Variants in RANBP17 observed in about 807,000 individuals in gnomAD.
The protein encoded by RANBP17 is RAN binding protein 17, also known as ran-binding protein 17.
RANBP17 carries 158 observed loss-of-function variants against 141.2 expected under a neutral mutation model. The observed-to-expected ratio is 1.12, with a 90% confidence interval of 0.98 to 1.28. RANBP17 has a LOEUF of 1.28. RANBP17 is among the 50% of genes most tolerant of loss of function. RANBP17 has a pLI of 0.00. For missense variants in RANBP17, 1,438 were observed against 1,290.7 expected (o/e 1.11, Z -1.75); for synonymous variants, 430 against 450.0 (o/e 0.96, Z 0.56).
chr5:171,072,156 A>G (rs1421221571), intron 14 of RANBP17, among the ~76,000 whole-genome samples: 1 of 152,132 alleles, frequency 6.6e-6, no homozygotes, highest in Non-Finnish European at 1.5e-5. Flanking sequence ...CGATGTGAAA[A>G]AGACTCAATC....
At chr5:171,176,606 A>G (rs1353773289) in intron 16 of RANBP17, among the ~76,000 whole-genome samples, 1 of 152,170 alleles carries the variant, frequency 6.6e-6, no homozygotes, top group Non-Finnish European at 1.5e-5. Flanking sequence ...TTTTATTAAT[A>G]TAGTTTCTAT....
chr5:170,896,219 A>G (rs1770107518), intron 5 of RANBP17, 104 bp downstream of exon 5: 5 of 755,574 alleles, frequency 6.6e-6, no homozygotes, highest in Non-Finnish European at 1.1e-5. Context: ...ATTTTGTGGC[A>G]TAAAACTCTG....
At chr5:171,225,834 A>ATGC (rs1365854555) in intron 22 of RANBP17, among the ~76,000 whole-genome samples, 1 of 152,172 alleles carries the variant, frequency 6.6e-6, no homozygotes, top group Non-Finnish European at 1.5e-5. Flanking sequence ...TACTTTTGAT[A>ATGC]TGCTGTTTTA....
chr5:171,148,827 G>A (rs1758269464), intron 14 of RANBP17, among the ~76,000 whole-genome samples: 1 of 152,124 alleles, frequency 6.6e-6, no homozygotes, highest in South Asian at 2.1e-4. Context: ...GATTTCTTCA[G>A]TGGTAAAATT....
intron 9 of RANBP17, among the ~76,000 whole-genome samples, chr5:170,917,073 T>C (rs1458074207): frequency 6.6e-6 from 1 of 152,184 alleles, no homozygotes; most frequent in Admixed American, 6.6e-5. Flanking sequence ...TTTCCATGGC[T>C]GACTTCTGTG....
intron 16 of RANBP17, among the ~76,000 whole-genome samples, chr5:171,179,464 A>G (rs1368316442): frequency 6.6e-6 from 1 of 152,174 alleles, no homozygotes; most frequent in Non-Finnish European, 1.5e-5. Flanking sequence ...CTTTGTGCAT[A>G]TAACCTAAGT....
chr5:171,028,979 C>T lies in RANBP17; in HGVS notation c.1710+60602C>T, dbSNP rs968943058. 10 of 1,280,952 alleles carry T rather than the reference C, an allele frequency of 7.8e-6. No homozygotes were observed. The African/African-American group carries it at 1.2e-4, about 16-fold the overall frequency. The allele number at this position is 1,280,952 out of a possible 1,614,324, so 79.3% of individuals were successfully genotyped here. ...CATCATCTGAACCAGGGATCACAGT[C>T]TAAGGTCCAGGTGAGGGCAAGTCAG... On this transcript the variant is annotated intron_variant, in intron 14 of 27. Coordinates refer to ENST00000523189, the MANE Select transcript of RANBP17 (RefSeq NM_022897.5).
chr5:170,951,546 C>G (rs1488365507), intron 12 of RANBP17, among the ~76,000 whole-genome samples: 1 of 152,038 alleles, frequency 6.6e-6, no homozygotes, highest in Non-Finnish European at 1.5e-5. Flanking sequence ...ATGGGAAAAT[C>G]TAATGAGACA....
At chr5:171,014,781 T>G (rs1780320408) in intron 14 of RANBP17, among the ~76,000 whole-genome samples, 1 of 152,048 alleles carries the variant, frequency 6.6e-6, no homozygotes, top group Non-Finnish European at 1.5e-5. Flanking sequence ...ATCCAGAGTT[T>G]CATGTGGTAT....
intron 25 of RANBP17, among the ~76,000 whole-genome samples, chr5:171,274,111 AGTGTGTGTGTGTGTGTGTGT>A (rs372324815): frequency 7.0e-6 from 1 of 143,114 alleles, no homozygotes; most frequent in Admixed American, 7.0e-5. Flanking sequence ...AGTTTGATCA[AGTGTGTGTGTGTGTGTGTGT>A]GTGTGTGTGT....
At chr5:171,254,992 T>C (rs1765798892) in intron 24 of RANBP17, among the ~76,000 whole-genome samples, 1 of 152,210 alleles carries the variant, frequency 6.6e-6, no homozygotes, top group South Asian at 2.1e-4. Context: ...ACAGGGTCAC[T>C]TAGGTAATTG....
At chr5:171,027,585 G>T (rs1296075129) in intron 14 of RANBP17, among the ~76,000 whole-genome samples, 1 of 151,772 alleles carries the variant, frequency 6.6e-6, no homozygotes, top group African/African-American at 2.4e-5. Flanking sequence ...GCCCCAGTAG[G>T]ATCATATTAT....
At chr5:171,188,693 G>C (rs1163503768) in intron 18 of RANBP17, among the ~76,000 whole-genome samples, 1 of 152,178 alleles carries the variant, frequency 6.6e-6, no homozygotes, top group Non-Finnish European at 1.5e-5. Flanking sequence ...GAAATGGAAT[G>C]GGTTAACATT....
intron 24 of RANBP17, among the ~76,000 whole-genome samples, chr5:171,251,502 G>A (rs1366330806): frequency 6.0e-5 from 9 of 149,402 alleles, no homozygotes; most frequent in Non-Finnish European, 1.0e-4. Flanking sequence ...TAAAGAACAC[G>A]CTCCCGGATA....
intron 12 of RANBP17, among the ~76,000 whole-genome samples, chr5:170,941,538 G>A (rs935338025): frequency 3.3e-5 from 5 of 152,080 alleles, no homozygotes; most frequent in African/African-American, 9.7e-5. Flanking sequence ...GAAGATGTTT[G>A]CAACACACAC....
intron 14 of RANBP17, among the ~76,000 whole-genome samples, chr5:170,995,308 T>C (rs1255118856): frequency 6.6e-6 from 1 of 152,146 alleles, no homozygotes; most frequent in Non-Finnish European, 1.5e-5. Context: ...GCATGTATTT[T>C]CTATGTATTA....
Position 171,150,465 on chromosome 5 carries a change from A to G in RANBP17, c.1711-19665A>G, listed in dbSNP as rs554758600. 4.0e-3 allele frequency among the ~76,000 whole-genome samples: 602 copies of G among 151,976 alleles called. 4 individuals carry two copies. The highest frequency in any genetic ancestry group is 0.014 in the African/African-American group (579 of 41,438). ...AAAAAAGCATTACACAATTTGATGAAAGGTACTAATTTTTTATAAGCTTAC... is the reference window on the plus strand; with the variant it reads ...AAAAAAGCATTACACAATTTGATGAGAGGTACTAATTTTTTATAAGCTTAC... On this transcript the variant is annotated intron_variant, in intron 14 of 27. Transcript: ENST00000523189.
intron 24 of RANBP17, among the ~76,000 whole-genome samples, chr5:171,245,161 G>A (rs1041846819): frequency 6.6e-6 from 1 of 151,854 alleles, no homozygotes; most frequent in African/African-American, 2.4e-5. Flanking sequence ...GCTGTTTTAA[G>A]GTCCTTGTCT....
intron 19 of RANBP17, among the ~76,000 whole-genome samples, chr5:171,202,572 T>G (rs1762356073): frequency 6.6e-6 from 1 of 152,318 alleles, no homozygotes; most frequent in Admixed American, 6.5e-5. Context: ...AACAGAATGA[T>G]TTTGCTTTGA....
Sources: allele counts gnomAD v4.1 joint callset (sites outside exome capture counted in the v4.1 genomes callset), GRCh38; gene constraint gnomAD v4.1.1; transcripts MANE v1.5; gene names NCBI Gene and HGNC (gene_info 2026-07-23, HGNC 2026-07-21).